Variants in SHANK2 observed in about 807,000 individuals in gnomAD.
SHANK2 encodes SH3 and multiple ankyrin repeat domains protein 2.
In SHANK2, 43 loss-of-function variants were observed where a neutral mutation model predicts 133.7. The ratio of observed to expected loss-of-function variants is 0.32; its 90% CI spans 0.25 to 0.41. The LOEUF (loss-of-function observed/expected upper bound fraction) is 0.41, where lower values mean the gene tolerates loss of function less well. SHANK2 is among the 10% of genes least tolerant of loss of function. The pLI is 1.00. For synonymous variants in SHANK2, 1,017 were observed against 952.8 expected, an observed-to-expected ratio of 1.07 and a Z score of -1.24; for missense variants, 1,994 against 2,235.8, an observed-to-expected ratio of 0.89 and a Z score of 2.18.
intron 12 of SHANK2, among the ~76,000 whole-genome samples, chr11:70,814,229 C>G (rs1038183607): frequency 7.9e-5 from 12 of 151,814 alleles, no homozygotes; most frequent in African/African-American, 2.9e-4. Context: ...GAAGCTGAGG[C>G]AGGAGAATCG....
intron 15 of SHANK2, among the ~76,000 whole-genome samples, chr11:70,687,447 C>T (rs931598039): frequency 5.9e-5 from 9 of 152,190 alleles, no homozygotes; most frequent in East Asian, 1.9e-4. Flanking sequence ...TGACTGTGGG[C>T]GCCTCTTTCC....
chr11:70,520,246 C>A (rs537272363), intron 17 of SHANK2, among the ~76,000 whole-genome samples: 3 of 152,214 alleles, frequency 2.0e-5, no homozygotes, highest in East Asian at 3.9e-4. Flanking sequence ...ACATTTTATT[C>A]GGATTTCTCT....
intron 17 of SHANK2, among the ~76,000 whole-genome samples, chr11:70,619,898 C>T (rs1040216832): frequency 3.3e-5 from 5 of 152,140 alleles, no homozygotes; most frequent in East Asian, 1.9e-4. Context: ...TGGAGGAGCA[C>T]GTTTGGGGCT....
intron 14 of SHANK2, among the ~76,000 whole-genome samples, chr11:70,708,290 T>C (rs1945707384): frequency 6.6e-6 from 1 of 152,192 alleles, no homozygotes; most frequent in East Asian, 1.9e-4. Flanking sequence ...TTTCTCCCGA[T>C]GGACTGCCCT....
At chr11:70,556,090 G>A (rs948442507) in intron 17 of SHANK2, among the ~76,000 whole-genome samples, 3 of 152,208 alleles carry the variant, frequency 2.0e-5, no homozygotes, top group Non-Finnish European at 4.4e-5. Context: ...GATAAAGGTG[G>A]CTACACTGAA....
At position 71,058,891 on chromosome 11, in the gene SHANK2, G is replaced by A. The variant is rs1020536830; in HGVS notation, c.1030-2333C>T. ...CAAGCTGAGTGGACACTGCACAGGCGGTGGGACCTGGCAGATCAGCAGATT... is the reference window on the plus strand; with the variant it reads ...CAAGCTGAGTGGACACTGCACAGGCAGTGGGACCTGGCAGATCAGCAGATT... On this transcript the variant is annotated intron_variant, in intron 9 of 25. Coordinates refer to ENST00000601538, the MANE Select transcript of SHANK2 (RefSeq NM_012309.5). Among the ~76,000 whole-genome samples the A allele has an allele frequency of 9.9e-3, 1,513 of 152,362 alleles. 31 individuals are homozygous for A. The highest frequency in any genetic ancestry group is 0.034 in the African/African-American group (1,407 of 41,582).
At position 70,941,845 on chromosome 11, in the gene SHANK2, AATAAT is replaced by A. The variant is rs1247590877; in HGVS notation, c.1108-45283_1108-45279del. ...GTCTTTGTCTGTTTTGTGTTATAACAATAATATAATATATAATAATAATAATATAA... is the reference window on the plus strand; with the variant it reads ...GTCTTTGTCTGTTTTGTGTTATAACAATAATATATAATAATAATAATATAA... On this transcript the variant is annotated intron_variant, in intron 10 of 25. Transcript: ENST00000601538. Among the ~76,000 whole-genome samples the A allele has an allele frequency of 2.6e-5, 4 of 150,994 alleles. No homozygotes were observed. The East Asian group carries it at 5.8e-4, about 22-fold the overall frequency.
At chr11:70,674,696 C>T (rs915718741) in intron 15 of SHANK2, among the ~76,000 whole-genome samples, 4 of 152,216 alleles carry the variant, frequency 2.6e-5, no homozygotes, top group Non-Finnish European at 4.4e-5. Context: ...GACCAGGCAA[C>T]GGCCCAGAGA....
chr11:70,862,628 A>T (rs1174079120), intron 11 of SHANK2, among the ~76,000 whole-genome samples: 1 of 151,060 alleles, frequency 6.6e-6, no homozygotes, highest in Non-Finnish European at 1.5e-5. Context: ...GATGGACTGG[A>T]CTGGACTGGC....
chr11:70,729,900 TAAA>T (rs549153711), intron 14 of SHANK2, among the ~76,000 whole-genome samples: 17 of 108,352 alleles, frequency 1.6e-4, no homozygotes, highest in South Asian at 2.8e-4. Flanking sequence ...AAAGTGTTAC[TAAA>T]AAAAAAAAAA....
chr11:70,504,678 G>A (rs2059112146), intron 17 of SHANK2, among the ~76,000 whole-genome samples: 1 of 152,204 alleles, frequency 6.6e-6, no homozygotes, highest in Non-Finnish European at 1.5e-5. Context: ...AGCGGCAGCG[G>A]TCTTTGCAAG....
chr11:70,762,490 G>C (rs913505191), intron 14 of SHANK2, among the ~76,000 whole-genome samples: 4 of 152,170 alleles, frequency 2.6e-5, no homozygotes, highest in African/African-American at 7.2e-5. Flanking sequence ...GCCATGGTGA[G>C]AGTCTTCCAC....
intron 2 of SHANK2, among the ~76,000 whole-genome samples, chr11:71,178,183 C>A (rs1953482673): frequency 6.6e-6 from 1 of 152,206 alleles, no homozygotes. Context: ...ACCCTTTCAC[C>A]TGTCCATCAA....
At chr11:71,197,260 C>T (rs563469093) in intron 2 of SHANK2, among the ~76,000 whole-genome samples, 1 of 152,108 alleles carries the variant, frequency 6.6e-6, no homozygotes, top group East Asian at 1.9e-4. Flanking sequence ...AGTGTCCGGC[C>T]TGAGCACATG....
intron 3 of SHANK2, among the ~76,000 whole-genome samples, chr11:71,142,440 G>A (rs1952573835): frequency 6.6e-6 from 1 of 152,180 alleles, no homozygotes; most frequent in Non-Finnish European, 1.5e-5. Flanking sequence ...GGCAGAGGTT[G>A]CAGTGAGCTG....
chr11:70,886,169 G>A (rs536409101), intron 11 of SHANK2, among the ~76,000 whole-genome samples: 17 of 152,214 alleles, frequency 1.1e-4, no homozygotes, highest in African/African-American at 2.2e-4. Flanking sequence ...GAGACAAGAC[G>A]CAGGTCAGTC....
At position 70,820,613 on chromosome 11, in the gene SHANK2, C is replaced by T. The variant is rs1214645816; in HGVS notation, c.1244G>A (p.Arg415Gln). Residue 415 changes from arginine (R) to glutamine (Q), a missense_variant, in exon 12 of 26, where the codon CGG becomes CAG. Transcript: ENST00000601538. ...GTCACTGTTGGAGCGCAGCAGGACC[C>T]GGGGGGCGGCCAGCGTGTTGGGGGG... ...RRPPNTLAAP[R>Q]VLLRSNSDNN... 20 of 713,656 alleles carry T rather than the reference C, an allele frequency of 2.8e-5. No individual in the cohort carries two copies. Among genetic ancestry groups the T allele is most frequent in the East Asian group, 8.1e-5 (3 of 37,170 alleles). 44.2% of individuals were successfully genotyped at this position (713,656 alleles called of 1,614,324 possible). A position where few individuals can be genotyped will look rare whatever the true frequency, so the allele number is the denominator to read the frequency against.
chr11:70,766,261 T>C (rs1947122085), intron 14 of SHANK2, among the ~76,000 whole-genome samples: 2 of 152,232 alleles, frequency 1.3e-5, no homozygotes, highest in South Asian at 4.1e-4. Flanking sequence ...GCCAGGTCCC[T>C]GTATGTTTGA....
At chr11:71,085,007 G>A (rs1035050342) in intron 8 of SHANK2, among the ~76,000 whole-genome samples, 1 of 151,630 alleles carries the variant, frequency 6.6e-6, no homozygotes, top group Non-Finnish European at 1.5e-5. Flanking sequence ...ATGTGCCTGG[G>A]TTTGCTACGG....
Sources: allele counts gnomAD v4.1 joint callset (sites outside exome capture counted in the v4.1 genomes callset), GRCh38; gene constraint gnomAD v4.1.1; transcripts MANE v1.5; gene names NCBI Gene and HGNC (gene_info 2026-07-23, HGNC 2026-07-21).